Variants in ATP2A2 observed in about 807,000 individuals in gnomAD.
The protein encoded by ATP2A2 is ATPase sarcoplasmic/endoplasmic reticulum Ca2+ transporting 2, also known as sarcoplasmic/endoplasmic reticulum calcium ATPase 2.
In ATP2A2, 14 loss-of-function variants were observed where a neutral mutation model predicts 109.3. The observed-to-expected ratio is 0.13, with a 90% CI of 0.08 to 0.20. The LOEUF is 0.20. Among genes scored for constraint, ATP2A2 ranks in the 10% least tolerant of loss-of-function variants. The pLI is 1.00. For missense variants in ATP2A2, 657 were observed against 1,321.6 expected (o/e 0.50, Z 7.80); for synonymous variants, 506 against 490.9 (o/e 1.03, Z -0.41).
intron 10 of ATP2A2, among the ~76,000 whole-genome samples, chr12:110,333,747 G>T (rs564128496): frequency 6.6e-6 from 1 of 152,226 alleles, no homozygotes; most frequent in East Asian, 1.9e-4. Flanking sequence ...TCTTATATTT[G>T]GGTGAAATAA....
In ATP2A2 at chr12:110,346,870, G is replaced by A. The variant is rs1431833717; in HGVS notation, c.*400G>A. The A allele has an allele frequency of 2.7e-6, 3 of 1,106,060 alleles. No individual in the cohort carries two copies. The African/African-American group carries it at 5.1e-5, about 19-fold the overall frequency. The allele number at this position is 1,106,060 out of a possible 1,614,324, so 68.5% of individuals were successfully genotyped here. A position where few individuals can be genotyped will look rare whatever the true frequency, so the allele number is the denominator to read the frequency against. ...TTTCTAAAACTAAATAGCATGTATT[G>A]TGTCTTTTGCATGATGATCCGGATT... is the stretch of plus-strand genomic sequence containing the variant. On this transcript the variant is annotated 3_prime_UTR_variant, in exon 20 of 20. Coordinates refer to ENST00000539276, the MANE Select transcript of ATP2A2 (RefSeq NM_170665.4).
At chr12:110,285,352 TA>T (rs1178077263) in intron 3 of ATP2A2, among the ~76,000 whole-genome samples, 1 of 152,210 alleles carries the variant, frequency 6.6e-6, no homozygotes, top group African/African-American at 2.4e-5. Context: ...ACCCCCCCTC[TA>T]TCATTCACTT....
At chr12:110,296,562 G>T (rs779745027) in intron 4 of ATP2A2, 37 bp from the exon 5 acceptor site, 14 of 1,613,454 alleles carry the variant, frequency 8.7e-6, no homozygotes, top group Admixed American at 6.7e-5. Context: ...GCAGTGTCAG[G>T]CAGGTCTTTA....
At position 110,350,964 on chromosome 12, in the gene ATP2A2, AAT is replaced by A. The variant is rs56170666; in HGVS notation, c.*4495_*4496del. The A allele has an allele frequency of 3.3e-3, 502 of 153,538 alleles. 1 individual carries two copies. The highest frequency in any genetic ancestry group is 0.01 in the Middle Eastern group (3 of 294). The allele number at this position is 153,538 out of a possible 1,614,324, so 9.5% of individuals were successfully genotyped here. A position where few individuals can be genotyped will look rare whatever the true frequency, so the allele number is the denominator to read the frequency against. On this transcript the variant is annotated 3_prime_UTR_variant, in exon 20 of 20. Transcript: ENST00000539276. ...ATGCATTTATCTTAATAAAATGCTA[AAT>A]GTCAATTTATCACTGCGCATGTTTG...
At chr12:110,341,700 C>G (rs748260494) in intron 14 of ATP2A2, among the ~76,000 whole-genome samples, 3 of 152,030 alleles carry the variant, frequency 2.0e-5, no homozygotes, top group Non-Finnish European at 4.4e-5. Context: ...TGGTGAAACC[C>G]CGTCTGTACT....
At chr12:110,306,863 G>A (rs1875395695) in intron 5 of ATP2A2, among the ~76,000 whole-genome samples, 1 of 151,920 alleles carries the variant, frequency 6.6e-6, no homozygotes. Context: ...TGTGAGTTCA[G>A]GCCATCCTCC....
At chr12:110,281,945 G>T in intron 1 of ATP2A2, 38 bp downstream of exon 1, 1 of 1,508,516 alleles carries the variant, frequency 6.6e-7, no homozygotes, top group South Asian at 1.2e-5. Context: ...GCCCGGCGCG[G>T]CCGGGAGAGC....
rs553023026 is a variant in ATP2A2 at position 110,346,055 on chromosome 12, C to T, written c.2796C>T (p.Leu932=). 5.6e-6 allele frequency: 9 copies of T among 1,614,126 alleles called. No individual in the cohort carries two copies. The highest frequency in any genetic ancestry group is 4.5e-5 in the East Asian group (2 of 44,888). The change falls in exon 19 of 20, where the codon CTC becomes CTT. Residue 932 remains leucine, a synonymous_variant. Transcript: ENST00000539276. ...TGCCCCCCTGGGAGAACATCTGGCT[C>T]GTGGGCTCCATCTGCCTGTCCATGT... ...LRMPPWENIW[L]VGSICLSMSL... is the part of the protein sequence containing the mutation.
intron 5 of ATP2A2, among the ~76,000 whole-genome samples, chr12:110,297,080 A>G (rs1057173880): frequency 2.0e-5 from 3 of 152,198 alleles, no homozygotes; most frequent in Non-Finnish European, 4.4e-5. Context: ...GCTAATGACG[A>G]CACAGTTTTT....
intron 5 of ATP2A2, among the ~76,000 whole-genome samples, chr12:110,313,198 A>G (rs560110704): frequency 1.3e-5 from 2 of 151,494 alleles, no homozygotes; most frequent in Non-Finnish European, 2.9e-5. Context: ...TCTACTCCCC[A>G]TGATTCAGTG....
chr12:110,329,618 A>G (rs1288451532), intron 8 of ATP2A2: 2 of 151,872 alleles, frequency 1.3e-5, no homozygotes, highest in African/African-American at 2.4e-5. Flanking sequence ...GGGTTTCTCC[A>G]TGTTGGTCAG....
chr12:110,293,562 C>T (rs1304588656), intron 4 of ATP2A2, among the ~76,000 whole-genome samples: 1 of 150,938 alleles, frequency 6.6e-6, no homozygotes, highest in African/African-American at 2.4e-5. Flanking sequence ...GCCCAGCTAA[C>T]TTACTTACTT....
intron 9 of ATP2A2, 89 bp from the exon 10 acceptor site, chr12:110,333,092 A>T: frequency 8.8e-7 from 1 of 1,140,378 alleles, no homozygotes; most frequent in Non-Finnish European, 1.3e-6. Context: ...TTCTGTTTTC[A>T]TTATTAAACA....
chr12:110,310,641 G>C (rs1875929512), intron 5 of ATP2A2, among the ~76,000 whole-genome samples: 1 of 152,164 alleles, frequency 6.6e-6, no homozygotes, highest in Non-Finnish European at 1.5e-5. Context: ...GATTTAAGTA[G>C]TGGAAGCAAC....
chr12:110,348,595 G>T lies in ATP2A2; in HGVS notation c.*2125G>T. On this transcript the variant is annotated 3_prime_UTR_variant, in exon 20 of 20. Transcript: ENST00000539276. ...AAAAGCACAGTCCGTGGTTGGGTGT[G>T]GTGGCTCATGCCTGTAAGTAAGTCT... 1.0e-6 allele frequency: 1 copy of T among 985,470 alleles called. No individual in the cohort carries two copies. The allele number at this position is 985,470 out of a possible 1,614,324, so 61.0% of individuals were successfully genotyped here.
chr12:110,336,991 C>T (rs565480916), intron 11 of ATP2A2, among the ~76,000 whole-genome samples: 6 of 152,280 alleles, frequency 3.9e-5, no homozygotes, highest in Admixed American at 3.3e-4. Flanking sequence ...TGATTCTAGA[C>T]CTCTGACTAC....
In ATP2A2 at chr12:110,347,453, TGTAG is replaced by T. The variant is rs1402337187; in HGVS notation, c.*988_*991del. The T allele has an allele frequency of 7.8e-7, 1 of 1,289,028 alleles. No individual in the cohort carries two copies. The highest frequency in any genetic ancestry group is 5.6e-5 in the East Asian group (1 of 18,002). 79.8% of individuals were successfully genotyped at this position (1,289,028 alleles called of 1,614,324 possible). The stretch of plus-strand genomic sequence containing the variant: ...GGGGAAGAAGGCTCCTGCTCTGCTG[TGTAG>T]GTAGTCATAGGAATTGTATTCTTAA... On this transcript the variant is annotated 3_prime_UTR_variant, in exon 20 of 20. Transcript: ENST00000539276.
chr12:110,350,283 C>T lies in ATP2A2; in HGVS notation c.*3813C>T. On this transcript the variant is annotated 3_prime_UTR_variant, in exon 20 of 20. Coordinates refer to ENST00000539276, the MANE Select transcript of ATP2A2 (RefSeq NM_170665.4). Reference sequence around the variant, plus strand: ...CATGAAGCTGATTTCCTCTCTCTTTCCTTTTCAGCAATACTGGAGTAACCG... The same window carrying T: ...CATGAAGCTGATTTCCTCTCTCTTTTCTTTTCAGCAATACTGGAGTAACCG... 6.2e-7 allele frequency: 1 copy of T among 1,614,222 alleles called. No individual in the cohort carries two copies.
intron 8 of ATP2A2, chr12:110,331,370 T>C (rs1436033540): frequency 6.6e-6 from 1 of 152,224 alleles, no homozygotes; most frequent in African/African-American, 2.4e-5. Context: ...TTACGGAGTT[T>C]TGCTCTGTCG....
Sources: gnomAD v4.1 joint callset for allele counts (sites outside exome capture counted in the v4.1 genomes callset) on GRCh38, gnomAD v4.1.1 for gene constraint, MANE v1.5 for transcripts, NCBI Gene and HGNC (gene_info 2026-07-23, HGNC 2026-07-21) for gene names.